The following RAD54L variants were observed in gnomAD, a reference collection of about 807,000 sequenced individuals.
RAD54L encodes RAD54 like, also known as DNA repair and recombination protein RAD54-like.
A neutral mutation model predicts 91.6 loss-of-function variants in RAD54L; 74 were observed. That is an observed-to-expected ratio of 0.81 (90% CI 0.67 to 0.98). The LOEUF is 0.98. Among genes scored for constraint, RAD54L ranks in the 50% least tolerant of loss-of-function variants. RAD54L has a pLI of 0.00. For missense variants in RAD54L, 887 were observed against 945.7 expected (o/e 0.94, Z 0.81); for synonymous variants, 304 against 349.7 (o/e 0.87, Z 1.46).
Position 46,272,520 on chromosome 1 carries a change from T to G in RAD54L, c.1224T>G (p.Ile408Met). The G allele has an allele frequency of 6.2e-7, 1 of 1,612,660 alleles. No individual in the cohort carries two copies. The highest frequency in any genetic ancestry group is 1.1e-5 in the South Asian group (1 of 91,052). ...DILSKYLPVK[I>M]EQVVCCRLTP... ...TTTCTAAATATCTGCCTGTGAAGAT[T>G]GAGCAGGTCGTTTGTTGTAGGTACT... The change falls in exon 11 of 18, where the codon ATT (isoleucine) becomes ATG (methionine). Residue 408 changes from isoleucine (I) to methionine (M), a missense_variant. By Grantham distance (10) the Ile-to-Met change is conservative (BLOSUM62 1). Coordinates refer to ENST00000371975, the MANE Select transcript of RAD54L (RefSeq NM_003579.4).
At position 46,265,822 on chromosome 1, in the gene RAD54L, A is replaced by C. The variant is rs1278285064; in HGVS notation, c.892-1637A>C. On this transcript the variant is annotated intron_variant, in intron 8 of 17. Transcript: ENST00000371975. This position sits in a 1 kb window ranked among gnomAD's most constrained non-coding sequence, Gnocchi z 4.8. ...CCAGACTCAGAGTCATACAGACCTG[A>C]GTTCAAATCCCAGCTCTGCTACTTT... Among the ~76,000 whole-genome samples, 1 of 152,206 alleles carries C rather than the reference A, an allele frequency of 6.6e-6. No homozygotes were observed. Among genetic ancestry groups the C allele is most frequent in the Non-Finnish European group, 1.5e-5 (1 of 68,038 alleles).
intron 4 of RAD54L, 131 bp downstream of exon 4, chr1:46,258,877 G>C: frequency 1.3e-6 from 1 of 768,358 alleles, no homozygotes; most frequent in Non-Finnish European, 2.3e-6. Flanking sequence ...GCTGTGTTTG[G>C]GGTGACCCTC....
chr1:46,268,900 G>A (rs1660339748), intron 9 of RAD54L, among the ~76,000 whole-genome samples: 1 of 152,122 alleles, frequency 6.6e-6, no homozygotes, highest in African/African-American at 2.4e-5. Context: ...TGAGTAGCTG[G>A]GACTACAGGC....
At chr1:46,250,895 C>T (rs374218014) in intron 3 of RAD54L, among the ~76,000 whole-genome samples, 11 of 151,340 alleles carry the variant, frequency 7.3e-5, no homozygotes, top group Admixed American at 5.3e-4. Flanking sequence ...CACTTGAACC[C>T]GGGAGGCCGA....
chr1:46,273,248 T>G, intron 12 of RAD54L, 107 bp from the exon 13 acceptor site: 2 of 905,332 alleles, frequency 2.2e-6, no homozygotes, highest in Non-Finnish European at 3.7e-6. Context: ...GCAAGTCTGA[T>G]GTTGAGGAAG....
intron 8 of RAD54L, among the ~76,000 whole-genome samples, chr1:46,262,104 G>A (rs1660144613): frequency 6.6e-6 from 1 of 151,880 alleles, no homozygotes; most frequent in Non-Finnish European, 1.5e-5. Flanking sequence ...GTGATGGGGT[G>A]TGAAACCCTG....
intron 3 of RAD54L, among the ~76,000 whole-genome samples, chr1:46,252,117 T>C (rs1452343844): frequency 6.6e-6 from 1 of 151,766 alleles, no homozygotes; most frequent in African/African-American, 2.4e-5. Flanking sequence ...GTTAGACAGG[T>C]GAAGGGAGTG....
intron 3 of RAD54L, 134 bp from the exon 4 acceptor site, chr1:46,258,552 T>C: frequency 1.3e-6 from 1 of 740,810 alleles, no homozygotes; most frequent in Admixed American, 2.1e-5. Context: ...CTGCTATCCC[T>C]GGATATTTGT....
At chr1:46,266,007 T>C (rs918779880) in intron 8 of RAD54L, among the ~76,000 whole-genome samples, 1 of 152,218 alleles carries the variant, frequency 6.6e-6, no homozygotes, top group African/African-American at 2.4e-5. Context: ...GTTCACTAAA[T>C]AGTAGCAGCC....
chr1:46,261,394 C>T lies in RAD54L; in HGVS notation c.891+9C>T, dbSNP rs779750174. On this transcript the variant is annotated intron_variant, in intron 8 of 17. Coordinates refer to ENST00000371975, the MANE Select transcript of RAD54L (RefSeq NM_003579.4). The stretch of plus-strand genomic sequence containing the variant: ...TGGTCATATGTGACGAGGTACTTGA[C>T]TCTCAGCAGTCTGGGTGGTAGGAGA... 2 of 1,613,950 alleles carry T rather than the reference C, an allele frequency of 1.2e-6. No homozygotes were observed. Among genetic ancestry groups the T allele is most frequent in the African/African-American group, 2.7e-5 (2 of 74,898 alleles).
Position 46,261,003 on chromosome 1 carries a change from G to T in RAD54L, c.754G>T (p.Asp252Tyr). ...CGATGGAGGATCTAAGGATGAAATAGACCAAAAGCTGGGTACGGAGCCCTA... is the reference window on the plus strand; with the variant it reads ...CGATGGAGGATCTAAGGATGAAATATACCAAAAGCTGGGTACGGAGCCCTA... ...AIDGGSKDEI[D>Y]QKLEGFMNQR... The change falls in exon 7 of 18, where the codon GAC becomes TAC. Residue 252 changes from aspartate to tyrosine, a missense_variant. By Grantham distance (160) the Asp-to-Tyr change is radical. Transcript: ENST00000371975. 6.2e-7 allele frequency: 1 copy of T among 1,613,590 alleles called. No individual in the cohort carries two copies. Among genetic ancestry groups the T allele is most frequent in the South Asian group, 1.1e-5 (1 of 91,014 alleles).
chr1:46,254,049 A>G (rs778610134), intron 3 of RAD54L, among the ~76,000 whole-genome samples: 12 of 151,830 alleles, frequency 7.9e-5, no homozygotes, highest in Non-Finnish European at 1.8e-4. Flanking sequence ...ATCTTGGCGC[A>G]CTGCAACCTC....
chr1:46,260,951 C>T lies in RAD54L; in HGVS notation c.702C>T (p.Leu234=), dbSNP rs1208771331. 1.1e-5 allele frequency: 18 copies of T among 1,613,948 alleles called. No individual in the cohort carries two copies. Among genetic ancestry groups the T allele is most frequent in the Middle Eastern group, 3.3e-4 (2 of 6,078 alleles). ...KNWYNEVGKW[L]GGRIQPLAID... is the part of the protein sequence containing the mutation. The stretch of plus-strand genomic sequence containing the variant: ...GGTACAATGAGGTTGGGAAATGGCT[C>T]GGAGGGAGGATCCAACCTCTGGCCA... Residue 234 remains leucine (L), a synonymous_variant, in exon 7 of 18, where the codon CTC becomes CTT. Coordinates refer to ENST00000371975, the MANE Select transcript of RAD54L (RefSeq NM_003579.4).
At chr1:46,276,265 C>T (rs1660598980) in intron 16 of RAD54L, among the ~76,000 whole-genome samples, 1 of 152,136 alleles carries the variant, frequency 6.6e-6, no homozygotes, top group African/African-American at 2.4e-5. Context: ...GCAGCTTCAA[C>T]CTCCCACCTC....
rs1569612668 is a variant in RAD54L, at chr1:46,273,243, T to G, written c.1376-112T>G. 3.4e-6 allele frequency: 3 copies of G among 888,612 alleles called. No homozygotes were observed. The South Asian group carries it at 3.9e-5, about 12-fold the overall frequency. 55.0% of individuals were successfully genotyped at this position (888,612 alleles called of 1,614,324 possible). On this transcript the variant is annotated intron_variant, in intron 12 of 17. Transcript: ENST00000371975. Reference sequence around the variant, plus strand: ...TTTGGTAGGATGAAGATCAAGCAAGTCTGATGTTGAGGAAGGCCTTTTGGG... The same window carrying G: ...TTTGGTAGGATGAAGATCAAGCAAGGCTGATGTTGAGGAAGGCCTTTTGGG...
chr1:46,250,968 CAAAAAAAAAAAACA>C (rs1659781875), intron 3 of RAD54L, among the ~76,000 whole-genome samples: 1 of 107,920 alleles, frequency 9.3e-6, no homozygotes, highest in Admixed American at 9.8e-5. Flanking sequence ...GACTCGGTCT[CAAAAAAAAAAAACA>C]AAAAACAAAA....
In RAD54L at chr1:46,249,976, A is replaced by T. The variant is rs540755520; in HGVS notation, c.91-24A>T. 3.1e-6 allele frequency: 5 copies of T among 1,613,108 alleles called. No homozygotes were observed. In the East Asian group the frequency reaches 8.9e-5, roughly 29 times the overall value. ...TGATTTCTGTGGTCTTCTAGACTTC[A>T]CCTTTCCCAATTCTCTCTCCTAGAC... On this transcript the variant is annotated intron_variant, in intron 2 of 17. Transcript: ENST00000371975.
At chr1:46,248,663 G>C in intron 2 of RAD54L, 65 bp downstream of exon 2, 1 of 1,481,578 alleles carries the variant, frequency 6.7e-7, no homozygotes, top group South Asian at 1.2e-5. Context: ...GCCAGGATTT[G>C]GTTTCTAGGG....
chr1:46,260,310 C>G (rs1660073425), intron 5 of RAD54L, among the ~76,000 whole-genome samples: 1 of 152,010 alleles, frequency 6.6e-6, no homozygotes, highest in South Asian at 2.1e-4. Context: ...TCCCAGGATG[C>G]TCACTCAGGA....
Sources: allele counts gnomAD v4.1 joint callset (sites outside exome capture counted in the v4.1 genomes callset), GRCh38; gene constraint gnomAD v4.1.1; non-coding constraint Gnocchi (gnomAD v3.1); transcripts MANE v1.5; gene names NCBI Gene and HGNC (gene_info 2026-07-23, HGNC 2026-07-21).